Variants in HTT-AS observed in about 807,000 individuals in gnomAD.
The protein encoded by HTT-AS is HTT antisense RNA (head to head).
rs1281502770 is a variant in HTT-AS, at chr4:3,067,921, T to C, written n.114-4221A>G. On this transcript the variant is annotated intron_variant and non_coding_transcript_variant, in intron 1 of 2. Transcript: ENST00000664062. ...TACAGAAAACCAAAGACAGAGAAAATCTTAAAAGCAGCCAGATTTAAAAAA... is the reference window on the plus strand; with the variant it reads ...TACAGAAAACCAAAGACAGAGAAAACCTTAAAAGCAGCCAGATTTAAAAAA... Among the ~76,000 whole-genome samples, 4 of 151,698 alleles carry C rather than the reference T, an allele frequency of 2.6e-5. No homozygotes were observed. The East Asian group carries it at 7.7e-4, about 29-fold the overall frequency.
intron 1 of HTT-AS, among the ~76,000 whole-genome samples, chr4:3,064,350 T>C (rs2110123600): frequency 6.6e-6 from 1 of 152,180 alleles, no homozygotes; most frequent in South Asian, 2.1e-4. Context: ...TGCCTCAGCC[T>C]CCCAAAGTGC....
intron 1 of HTT-AS, among the ~76,000 whole-genome samples, chr4:3,068,262 T>C (rs1204864398): frequency 1.4e-4 from 18 of 130,078 alleles, no homozygotes; most frequent in Non-Finnish European, 2.3e-4. Context: ...GCCGAGATTG[T>C]GCCACTGCAC....
chr4:3,071,629 T>A (rs10014333), intron 1 of HTT-AS, among the ~76,000 whole-genome samples: 3,512 of 152,278 alleles, frequency 0.023, 63 homozygotes, highest in Middle Eastern at 0.048. Flanking sequence ...TGGGACGAAC[T>A]GTGTCCCTCA....
intron 1 of HTT-AS, among the ~76,000 whole-genome samples, chr4:3,073,788 C>A (rs1184607341): frequency 6.6e-6 from 1 of 151,998 alleles, no homozygotes; most frequent in Non-Finnish European, 1.5e-5. Context: ...CTGCGCTCTG[C>A]GCAGGAGCTC....
At chr4:3,068,251 A>C (rs1712092084) in intron 1 of HTT-AS, among the ~76,000 whole-genome samples, 1 of 138,564 alleles carries the variant, frequency 7.2e-6, no homozygotes, top group Admixed American at 8.0e-5. Flanking sequence ...GCTTGCAGTG[A>C]GCCGAGATTG....
chr4:3,070,438 C>T (rs1712145436), intron 1 of HTT-AS, among the ~76,000 whole-genome samples: 1 of 152,008 alleles, frequency 6.6e-6, no homozygotes, highest in Non-Finnish European at 1.5e-5. Flanking sequence ...TTACAGGCAC[C>T]TGCCACCATG....
chr4:3,059,261 G>A (rs760775773), intron 2 of HTT-AS, among the ~76,000 whole-genome samples: 78 of 152,170 alleles, frequency 5.1e-4, no homozygotes, highest in Admixed American at 4.6e-4. Context: ...TCATCTGGCT[G>A]TTAACGTGCC....
intron 1 of HTT-AS, among the ~76,000 whole-genome samples, chr4:3,066,296 A>G (rs1412833408): frequency 6.6e-6 from 1 of 151,866 alleles, no homozygotes; most frequent in East Asian, 1.9e-4. Flanking sequence ...CAGCCTCCCG[A>G]GTAGCTGGGA....
At chr4:3,054,966 A>G (rs1711779855) in intron 2 of HTT-AS, among the ~76,000 whole-genome samples, 1 of 151,372 alleles carries the variant, frequency 6.6e-6, no homozygotes, top group South Asian at 2.1e-4. Context: ...GCCCGCCTCC[A>G]CCTCCCAAAG....
chr4:3,066,795 T>G (rs1481285566), intron 1 of HTT-AS, among the ~76,000 whole-genome samples: 1 of 152,176 alleles, frequency 6.6e-6, no homozygotes, highest in Non-Finnish European at 1.5e-5. Context: ...GACTCTCTAA[T>G]AAATTTCAAA....
intron 1 of HTT-AS, among the ~76,000 whole-genome samples, chr4:3,069,582 A>G (rs1392439381): frequency 6.6e-6 from 1 of 152,180 alleles, no homozygotes; most frequent in African/African-American, 2.4e-5. Flanking sequence ...TACAGTTAAT[A>G]TTAATGAAGG....
intron 2 of HTT-AS, among the ~76,000 whole-genome samples, chr4:3,056,204 A>C (rs1395117317): frequency 6.6e-6 from 1 of 152,190 alleles, no homozygotes; most frequent in African/African-American, 2.4e-5. Context: ...ACTTCAGCCG[A>C]ATTAAATTTA....
chr4:3,059,403 C>G (rs953439756), intron 2 of HTT-AS, among the ~76,000 whole-genome samples: 2 of 150,536 alleles, frequency 1.3e-5, no homozygotes, highest in African/African-American at 4.9e-5. Flanking sequence ...TTTTTTTTTT[C>G]CTTGATCAGC....
chr4:3,052,287 T>A (rs1711718040), intron 2 of HTT-AS, among the ~76,000 whole-genome samples: 4 of 152,230 alleles, frequency 2.6e-5, no homozygotes, highest in African/African-American at 7.2e-5. Context: ...AAGGCAGGAA[T>A]ATTGGCTGTT....
At chr4:3,059,102 C>T (rs987293956) in intron 2 of HTT-AS, among the ~76,000 whole-genome samples, 8 of 152,150 alleles carry the variant, frequency 5.3e-5, no homozygotes, top group South Asian at 2.1e-4. Flanking sequence ...GCAGATGAAT[C>T]GTAACCTAGC....
At chr4:3,056,828 G>C (rs1157621798) in intron 2 of HTT-AS, among the ~76,000 whole-genome samples, 1 of 152,084 alleles carries the variant, frequency 6.6e-6, no homozygotes, top group South Asian at 2.1e-4. Flanking sequence ...ATGTCATACA[G>C]TCACCCCCAC....
At chr4:3,055,413 T>C (rs1255591316) in intron 2 of HTT-AS, among the ~76,000 whole-genome samples, 1 of 152,204 alleles carries the variant, frequency 6.6e-6, no homozygotes, top group Non-Finnish European at 1.5e-5. Flanking sequence ...ATGCTTTACT[T>C]AGGTAAAATG....
At chr4:3,057,602 C>A (rs566755490) in intron 2 of HTT-AS, among the ~76,000 whole-genome samples, 1 of 152,030 alleles carries the variant, frequency 6.6e-6, no homozygotes, top group East Asian at 1.9e-4. Context: ...CCCCGATGGC[C>A]GCTGGTTGGC....
rs71644374 is a variant in HTT-AS, at chr4:3,061,684, GA to G, written n.1380+749del. ...GCAACAAGAGTGAAACTCCATCTCA[GA>G]AAAAAAAAAAAAAGGCCTGGGCAAA... On this transcript the variant is annotated intron_variant and non_coding_transcript_variant, in intron 2 of 2. Transcript: ENST00000664062. Among the ~76,000 whole-genome samples the G allele has an allele frequency of 7.3e-4, 81 of 110,858 alleles. 2 individuals are homozygous for G. The highest frequency in any genetic ancestry group is 8.6e-4 in the South Asian group (3 of 3,482). 72.7% of individuals were successfully genotyped at this position (110,858 alleles called of 152,430 possible).
Sources: allele counts gnomAD v4.1 joint callset (sites outside exome capture counted in the v4.1 genomes callset), GRCh38; gene constraint gnomAD v4.1.1; transcripts MANE v1.5; gene names NCBI Gene and HGNC (gene_info 2026-07-23, HGNC 2026-07-21).